Variants in CCSER1 observed in about 807,000 individuals in gnomAD.
CCSER1 encodes the protein serine-rich coiled-coil domain-containing protein 1.
A neutral mutation model predicts 82.0 loss-of-function variants in CCSER1; 41 were observed. That is an observed-to-expected ratio of 0.50 (90% confidence interval 0.39 to 0.65). CCSER1 has a LOEUF of 0.65. Ranked by LOEUF, CCSER1 falls within the 30% of genes least tolerant of loss-of-function variation. The pLI, the probability that CCSER1 is intolerant of heterozygous loss-of-function variation, is 0.00. For synonymous variants in CCSER1, 414 were observed against 383.9 expected, an observed-to-expected ratio of 1.08 and a Z score of -0.92; for missense variants, 1,119 against 1,064.2, an observed-to-expected ratio of 1.05 and a Z score of -0.72.
intron 4 of CCSER1, among the ~76,000 whole-genome samples, chr4:90,465,519 A>G (rs1044820648): frequency 6.6e-6 from 1 of 151,962 alleles, no homozygotes; most frequent in East Asian, 1.9e-4. Flanking sequence ...ACAGGGTTTC[A>G]CTATCAGTTT....
At chr4:91,061,700 T>C (rs1174279052) in intron 9 of CCSER1, among the ~76,000 whole-genome samples, 1 of 152,086 alleles carries the variant, frequency 6.6e-6, no homozygotes, top group Non-Finnish European at 1.5e-5. Context: ...CTCCTACTAC[T>C]TCTGTTTCAT....
At chr4:90,866,911 A>C (rs1765798430) in intron 8 of CCSER1, among the ~76,000 whole-genome samples, 2 of 151,974 alleles carry the variant, frequency 1.3e-5, no homozygotes, top group Admixed American at 1.3e-4. Context: ...ATGAGACTCT[A>C]ATGCCACCAC....
intron 1 of CCSER1, among the ~76,000 whole-genome samples, chr4:90,184,318 T>C (rs1734222683): frequency 6.6e-6 from 1 of 152,068 alleles, no homozygotes; most frequent in African/African-American, 2.4e-5. Flanking sequence ...GCAGCCCCTG[T>C]TGGGAGTTGG....
intron 10 of CCSER1, among the ~76,000 whole-genome samples, chr4:91,247,461 G>T (rs1739888164): frequency 6.6e-6 from 1 of 152,164 alleles, no homozygotes; most frequent in East Asian, 1.9e-4. Flanking sequence ...AGCTAAGTGG[G>T]TTATTAGACA....
At chr4:90,544,018 T>C (rs1776441799) in intron 5 of CCSER1, among the ~76,000 whole-genome samples, 1 of 152,054 alleles carries the variant, frequency 6.6e-6, no homozygotes, top group Admixed American at 6.6e-5. Flanking sequence ...TTTCTTCCAG[T>C]AAAAGCAGCA....
intron 10 of CCSER1, among the ~76,000 whole-genome samples, chr4:91,159,156 T>C (rs1023709937): frequency 6.6e-6 from 1 of 151,954 alleles, no homozygotes; most frequent in Non-Finnish European, 1.5e-5. Context: ...TTTGTCTTTT[T>C]CCCCACATGT....
rs376528155 is a variant in CCSER1 at position 90,397,765 on chromosome 4, C to A, written c.1510-2271C>A. On this transcript the variant is annotated intron_variant, in intron 3 of 10. Coordinates refer to ENST00000509176, the MANE Select transcript of CCSER1 (RefSeq NM_001145065.2). ...AAGAATCTGGTAGCTCCCTTTATAGCTAGATGGATTGGGTAGGGTGGTTCC... is the reference window on the plus strand; with the variant it reads ...AAGAATCTGGTAGCTCCCTTTATAGATAGATGGATTGGGTAGGGTGGTTCC... Among the ~76,000 whole-genome samples the A allele has an allele frequency of 2.2e-4, 33 of 152,220 alleles. No individual in the cohort carries two copies. In the South Asian group the frequency reaches 6.6e-3, roughly 31 times the overall value.
chr4:91,531,170 T>G (rs890268039), intron 10 of CCSER1, among the ~76,000 whole-genome samples: 9 of 152,194 alleles, frequency 5.9e-5, no homozygotes, highest in African/African-American at 2.2e-4. Context: ...TAAGAGGTAT[T>G]TAAAATTTAA....
At chr4:91,340,032 G>A (rs1283700229) in intron 10 of CCSER1, among the ~76,000 whole-genome samples, 3 of 151,934 alleles carry the variant, frequency 2.0e-5, no homozygotes, top group African/African-American at 4.8e-5. Flanking sequence ...CAGGAGAATC[G>A]CTTGAACCCG....
chr4:91,224,170 A>G (rs1737971313), intron 10 of CCSER1, among the ~76,000 whole-genome samples: 1 of 152,092 alleles, frequency 6.6e-6, no homozygotes, highest in Admixed American at 6.6e-5. Context: ...TTGGCTTAGA[A>G]AGCAAATTCG....
intron 10 of CCSER1, among the ~76,000 whole-genome samples, chr4:91,346,582 T>C (rs1294316184): frequency 1.3e-5 from 2 of 152,220 alleles, no homozygotes; most frequent in South Asian, 2.1e-4. Flanking sequence ...CCAAAGTGGC[T>C]GGGCTATTTT....
At chr4:90,136,505 T>A in intron 1 of CCSER1, among the ~76,000 whole-genome samples, 1 of 152,358 alleles carries the variant, frequency 6.6e-6, no homozygotes, top group South Asian at 2.1e-4. Context: ...TAGCTCTTTC[T>A]TGGAAGCAAA....
intron 1 of CCSER1, among the ~76,000 whole-genome samples, chr4:90,246,407 A>G (rs1721408153): frequency 6.6e-6 from 1 of 152,162 alleles, no homozygotes; most frequent in African/African-American, 2.4e-5. Flanking sequence ...AAGTTTACTC[A>G]TTTTTATACA....
At chr4:91,516,336 T>C (rs976805371) in intron 10 of CCSER1, among the ~76,000 whole-genome samples, 1 of 152,154 alleles carries the variant, frequency 6.6e-6, no homozygotes, top group African/African-American at 2.4e-5. Flanking sequence ...TTTTTATAGG[T>C]TTAGGTTTTA....
At chr4:90,671,435 G>T (rs1317774784) in intron 6 of CCSER1, among the ~76,000 whole-genome samples, 2 of 152,028 alleles carry the variant, frequency 1.3e-5, no homozygotes, top group African/African-American at 4.8e-5. Flanking sequence ...AGCAGAAGTA[G>T]ATTTCCTCCC....
chr4:91,327,076 T>G (rs1746621138), intron 10 of CCSER1, among the ~76,000 whole-genome samples: 1 of 152,150 alleles, frequency 6.6e-6, no homozygotes, highest in South Asian at 2.1e-4. Context: ...GGATCTATCG[T>G]TCTGGGGTCT....
At chr4:91,114,929 G>A (rs1005536556) in intron 10 of CCSER1, among the ~76,000 whole-genome samples, 6 of 152,074 alleles carry the variant, frequency 3.9e-5, no homozygotes, top group African/African-American at 1.4e-4. Context: ...ATGTAGTCAT[G>A]GAAACAGTTT....
At chr4:90,404,956 C>A (rs954061864) in intron 4 of CCSER1, among the ~76,000 whole-genome samples, 2 of 152,082 alleles carry the variant, frequency 1.3e-5, no homozygotes, top group African/African-American at 4.8e-5. Context: ...AAACAATATT[C>A]TTTAACGTTC....
At chr4:90,948,801 C>G (rs1732565531) in intron 9 of CCSER1, among the ~76,000 whole-genome samples, 1 of 151,902 alleles carries the variant, frequency 6.6e-6, no homozygotes, top group Non-Finnish European at 1.5e-5. Flanking sequence ...CACATGAATT[C>G]ACATGATTTT....
Sources: allele counts gnomAD v4.1 joint callset (sites outside exome capture counted in the v4.1 genomes callset), GRCh38; gene constraint gnomAD v4.1.1; transcripts MANE v1.5; gene names NCBI Gene and HGNC (gene_info 2026-07-23, HGNC 2026-07-21).